UVRAG: variants seen among roughly 807,000 people sequenced by gnomAD.
The protein encoded by UVRAG is UV radiation resistance-associated gene protein.
In UVRAG, 19 loss-of-function variants were observed where a neutral mutation model predicts 78.0. The observed-to-expected ratio is 0.24, with a 90% CI of 0.17 to 0.36. The LOEUF (loss-of-function observed/expected upper bound fraction) is 0.36, where lower values mean the gene tolerates loss of function less well. Among genes scored for constraint, UVRAG ranks in the 10% least tolerant of loss-of-function variants. The pLI is 1.00. For missense variants in UVRAG, 740 were observed against 853.8 expected (o/e 0.87, Z 1.66); for synonymous variants, 323 against 324.6 (o/e 1.00, Z 0.05).
At chr11:76,119,018 A>G (rs1952231691) in intron 14 of UVRAG, among the ~76,000 whole-genome samples, 1 of 152,200 alleles carries the variant, frequency 6.6e-6, no homozygotes, top group African/African-American at 2.4e-5. Flanking sequence ...TAATGCTTAC[A>G]GGTCTGTTTC....
At chr11:76,027,835 G>A (rs1347604941) in intron 12 of UVRAG, among the ~76,000 whole-genome samples, 1 of 152,102 alleles carries the variant, frequency 6.6e-6, no homozygotes, top group Non-Finnish European at 1.5e-5. Flanking sequence ...TAATAGTGTT[G>A]TGAGGTACAT....
chr11:75,859,181 C>T (rs1946362503), intron 2 of UVRAG, among the ~76,000 whole-genome samples: 1 of 152,062 alleles, frequency 6.6e-6, no homozygotes, highest in South Asian at 2.1e-4. Context: ...TCAAGACGAG[C>T]CTGGCCAACA....
intron 4 of UVRAG, among the ~76,000 whole-genome samples, chr11:75,884,240 T>TTC (rs767650431): frequency 7.5e-6 from 1 of 132,468 alleles, no homozygotes; most frequent in Non-Finnish European, 1.6e-5. Context: ...CTCTCTCTCT[T>TTC]TCTCTCTCTC....
chr11:76,041,255 A>C (rs191102460), intron 12 of UVRAG, among the ~76,000 whole-genome samples: 2 of 152,350 alleles, frequency 1.3e-5, no homozygotes, highest in Admixed American at 1.3e-4. Flanking sequence ...TACAGAAATA[A>C]GAGTGCAAAA....
intron 13 of UVRAG, among the ~76,000 whole-genome samples, chr11:76,104,455 T>C (rs7107640): frequency 0.14 from 20,693 of 152,154 alleles, 3,647 homozygotes; most frequent in African/African-American, 0.41. Context: ...AGTGAGGACT[T>C]AATGAAATAA....
At chr11:75,975,276 G>A (rs1410116764) in intron 7 of UVRAG, among the ~76,000 whole-genome samples, 2 of 152,202 alleles carry the variant, frequency 1.3e-5, no homozygotes, top group African/African-American at 4.8e-5. Flanking sequence ...TAGCCTTGTA[G>A]TATAGTTTGA....
chr11:75,974,004 C>T (rs1001486854), intron 7 of UVRAG, among the ~76,000 whole-genome samples: 4 of 152,058 alleles, frequency 2.6e-5, no homozygotes, highest in Non-Finnish European at 5.9e-5. Flanking sequence ...TGAATAGTGC[C>T]GCAATAAACA....
intron 12 of UVRAG, among the ~76,000 whole-genome samples, chr11:76,056,172 G>A (rs1431295951): frequency 6.6e-6 from 1 of 152,024 alleles, no homozygotes; most frequent in Non-Finnish European, 1.5e-5. Flanking sequence ...CTTAACCATT[G>A]TTTAACCGTA....
At chr11:75,954,348 G>A (rs1488924333) in intron 6 of UVRAG, among the ~76,000 whole-genome samples, 1 of 152,154 alleles carries the variant, frequency 6.6e-6, no homozygotes, top group African/African-American at 2.4e-5. Context: ...CATTTGACAA[G>A]GTTGTTTGCA....
chr11:75,815,212 T>A lies in UVRAG; in HGVS notation c.-196T>A. The stretch of plus-strand genomic sequence containing the variant: ...GCGGGGTGGAGGGGTTGCACTGCGG[T>A]AATATGGCTCTTCCTTAGCCAGCGG... On this transcript the variant is annotated 5_prime_UTR_variant, in exon 1 of 15. Coordinates refer to ENST00000356136, the MANE Select transcript of UVRAG (RefSeq NM_003369.4). 1 of 428,782 alleles carries A rather than the reference T, an allele frequency of 2.3e-6. No individual in the cohort carries two copies. 26.6% of individuals were successfully genotyped at this position (428,782 alleles called of 1,614,324 possible).
intron 1 of UVRAG, among the ~76,000 whole-genome samples, chr11:75,845,777 A>G (rs1482222612): frequency 1.3e-5 from 2 of 152,130 alleles, no homozygotes; most frequent in African/African-American, 4.8e-5. Flanking sequence ...TGGGTGAGAA[A>G]ATTATCTGTA....
chr11:75,834,139 A>T (rs1240952341), intron 1 of UVRAG, among the ~76,000 whole-genome samples: 3 of 152,120 alleles, frequency 2.0e-5, no homozygotes, highest in Admixed American at 6.5e-5. Flanking sequence ...CCAGTTCAGG[A>T]TATAGTCTAG....
At chr11:76,027,341 A>G (rs896331269) in intron 12 of UVRAG, among the ~76,000 whole-genome samples, 1 of 152,120 alleles carries the variant, frequency 6.6e-6, no homozygotes, top group African/African-American at 2.4e-5. Flanking sequence ...TTACTCTGTT[A>G]CTTTCTCACT....
intron 6 of UVRAG, among the ~76,000 whole-genome samples, chr11:75,940,280 A>G (rs1286590575): frequency 6.6e-6 from 1 of 152,196 alleles, no homozygotes; most frequent in Non-Finnish European, 1.5e-5. Context: ...TTGAATTAAA[A>G]GACTTCTAAA....
At chr11:75,886,368 CAGAAAA>C (rs1485611804) in intron 4 of UVRAG, among the ~76,000 whole-genome samples, 1 of 152,052 alleles carries the variant, frequency 6.6e-6, no homozygotes, top group African/African-American at 2.4e-5. Context: ...TAGAAAAGCA[CAGAAAA>C]GAGAATAAAA....
intron 12 of UVRAG, among the ~76,000 whole-genome samples, chr11:76,028,503 T>C (rs140547376): frequency 1.3e-5 from 2 of 152,248 alleles, no homozygotes; most frequent in East Asian, 3.9e-4. Flanking sequence ...AAGAGCCAAG[T>C]TGTAAATTCA....
At chr11:75,895,845 A>T (rs1947333049) in intron 5 of UVRAG, among the ~76,000 whole-genome samples, 1 of 152,158 alleles carries the variant, frequency 6.6e-6, no homozygotes, top group African/African-American at 2.4e-5. Flanking sequence ...GATGATGCAA[A>T]TTTTTGTCTT....
At chr11:75,895,421 AAC>A (rs1389629086) in intron 5 of UVRAG, among the ~76,000 whole-genome samples, 2 of 152,170 alleles carry the variant, frequency 1.3e-5, no homozygotes, top group African/African-American at 2.4e-5. Context: ...AAAATCTCTT[AAC>A]TATAGAATAC....
At chr11:76,064,104 G>A (rs960541886) in intron 12 of UVRAG, among the ~76,000 whole-genome samples, 4 of 152,188 alleles carry the variant, frequency 2.6e-5, no homozygotes, top group African/African-American at 9.7e-5. Flanking sequence ...GTCAAATGTT[G>A]TGAAATCAAT....
Sources: allele counts gnomAD v4.1 joint callset (sites outside exome capture counted in the v4.1 genomes callset), GRCh38; gene constraint gnomAD v4.1.1; transcripts MANE v1.5; gene names NCBI Gene and HGNC (gene_info 2026-07-23, HGNC 2026-07-21).